MTRF1: variants seen among roughly 807,000 people sequenced by gnomAD.
MTRF1 encodes the protein peptide chain release factor 1, mitochondrial.
MTRF1 carries 51 observed loss-of-function variants against 62.9 expected under a neutral mutation model. The observed-to-expected ratio is 0.81, with a 90% CI of 0.65 to 1.02. The LOEUF (loss-of-function observed/expected upper bound fraction) is 1.02, where lower values mean the gene tolerates loss of function less well. Ranked by LOEUF, MTRF1 falls within the 50% of genes least tolerant of loss-of-function variation. The pLI is 0.00. For synonymous variants in MTRF1, 158 were observed against 181.9 expected, an observed-to-expected ratio of 0.87 and a Z score of 1.06; for missense variants, 446 against 530.0, an observed-to-expected ratio of 0.84 and a Z score of 1.56.
At chr13:41,291,405 C>T in the MTRF1 span, among the ~76,000 whole-genome samples, 1 of 151,980 alleles carries the variant, frequency 6.6e-6, no homozygotes, top group East Asian at 1.9e-4. Flanking sequence ...CTTGAACTCC[C>T]AGGCTCAAGC....
At position 41,254,573 on chromosome 13, in the gene MTRF1, C is replaced by A; in HGVS notation, c.463G>T (p.Glu155Ter). Residue 155 changes from glutamate (E) to a stop codon, truncating the protein, a stop_gained, in exon 3 of 10, where the codon GAA becomes TAA. Transcript: ENST00000379480. LOFTEE classifies it high-confidence loss of function. ...EKQLQELALE[E>*]RQTIDQKINM... is the part of the protein sequence containing the mutation. ...ATTTTTTGATCAATGGTTTGCCTTT[C>A]TTCCAGTGCAAGTTCTTGTAACTGC... 6.2e-7 allele frequency: 1 copy of A among 1,613,616 alleles called. No individual in the cohort carries two copies. The highest frequency in any genetic ancestry group is 8.5e-7 in the Non-Finnish European group (1 of 1,179,826).
the MTRF1 span, among the ~76,000 whole-genome samples, chr13:41,280,963 G>C: frequency 6.6e-6 from 1 of 152,168 alleles, no homozygotes; most frequent in African/African-American, 2.4e-5. Context: ...CGGAGAAAAA[G>C]TTGAGGTGAC....
the MTRF1 span, among the ~76,000 whole-genome samples, chr13:41,305,488 C>T: frequency 2.0e-5 from 3 of 152,150 alleles, no homozygotes; most frequent in African/African-American, 7.2e-5. Flanking sequence ...TGCCTGAGAC[C>T]GTGAACTCTG....
At chr13:41,240,685 T>C (rs2037372408) in intron 5 of MTRF1, among the ~76,000 whole-genome samples, 1 of 152,198 alleles carries the variant, frequency 6.6e-6, no homozygotes, top group South Asian at 2.1e-4. Flanking sequence ...TTATAGGAGC[T>C]AGTGATGCAA....
chr13:41,221,437 C>T (rs372709518), intron 9 of MTRF1, among the ~76,000 whole-genome samples: 20 of 152,248 alleles, frequency 1.3e-4, no homozygotes, highest in Middle Eastern at 3.4e-3. Context: ...GGATTACAGG[C>T]GTGAGCCACC....
intron 6 of MTRF1, chr13:41,235,834 GACACAGACACACACAC>G (rs2036408213): frequency 8.7e-6 from 1 of 114,622 alleles, no homozygotes; most frequent in Non-Finnish European, 1.8e-5. Flanking sequence ...CTTATACACA[GACACAGACACACACAC>G]ACACAGAAAC....
chr13:41,240,552 G>T, intron 5 of MTRF1, 119 bp from the exon 6 acceptor site: 2 of 849,964 alleles, frequency 2.4e-6, no homozygotes, highest in Non-Finnish European at 3.3e-6. Context: ...AGAACATAAA[G>T]CATGGGAGAA....
In MTRF1 at chr13:41,226,424, A is replaced by C; in HGVS notation, c.1125+8T>G. Reference sequence around the variant, plus strand: ...AGTCACTAAATTATTATACCAAGTAAATCTTACCTGCAGTTTTCTAGCACT... The same window carrying C: ...AGTCACTAAATTATTATACCAAGTACATCTTACCTGCAGTTTTCTAGCACT... On this transcript the variant is annotated splice_region_variant and intron_variant, in intron 8 of 9. Transcript: ENST00000379480. 6.2e-7 allele frequency: 1 copy of C among 1,605,114 alleles called. No individual in the cohort carries two copies. Among genetic ancestry groups the C allele is most frequent in the Non-Finnish European group, 8.5e-7 (1 of 1,178,102 alleles).
At chr13:41,245,408 T>C (rs909139058) in intron 5 of MTRF1, among the ~76,000 whole-genome samples, 5 of 152,092 alleles carry the variant, frequency 3.3e-5, no homozygotes, top group African/African-American at 1.2e-4. Flanking sequence ...GCTCAGCTAA[T>C]TTTTAAAATT....
the MTRF1 span, among the ~76,000 whole-genome samples, chr13:41,309,895 C>A: frequency 1.3e-5 from 2 of 152,086 alleles, no homozygotes; most frequent in African/African-American, 4.8e-5. Context: ...ACTTGGGAGG[C>A]TGAGGCAGGA....
chr13:41,229,319 T>C (rs2035079932), intron 7 of MTRF1: 1 of 152,238 alleles, frequency 6.6e-6, no homozygotes, highest in East Asian at 1.9e-4. Flanking sequence ...TTATTTATCA[T>C]TTATTTGTGT....
the MTRF1 span, among the ~76,000 whole-genome samples, chr13:41,289,232 A>T: frequency 4.4e-5 from 6 of 137,494 alleles, no homozygotes; most frequent in East Asian, 2.1e-4. Context: ...GTGGATTTAA[A>T]TTTTTTTTTT....
the MTRF1 span, among the ~76,000 whole-genome samples, chr13:41,294,655 T>C: frequency 2.7e-4 from 41 of 152,246 alleles, no homozygotes; most frequent in African/African-American, 7.7e-4. Context: ...AAACTTTATA[T>C]GGTAAATTTG....
chr13:41,292,899 G>A, the MTRF1 span, among the ~76,000 whole-genome samples: 31 of 152,210 alleles, frequency 2.0e-4, no homozygotes, highest in African/African-American at 5.1e-4. Context: ...TTATGCCACA[G>A]CACTCCAGTC....
the MTRF1 span, among the ~76,000 whole-genome samples, chr13:41,273,812 G>A: frequency 1.3e-5 from 2 of 152,142 alleles, no homozygotes; most frequent in African/African-American, 2.4e-5. Context: ...ACTCCAGCCT[G>A]GGCAATAAGA....
the MTRF1 span, among the ~76,000 whole-genome samples, chr13:41,284,041 T>A: frequency 6.6e-6 from 1 of 152,128 alleles, no homozygotes; most frequent in Non-Finnish European, 1.5e-5. Context: ...CACATTACAT[T>A]GTGTTCAAAC....
At chr13:41,282,489 CTG>C in the MTRF1 span, among the ~76,000 whole-genome samples, 5 of 152,208 alleles carry the variant, frequency 3.3e-5, no homozygotes, top group African/African-American at 7.2e-5. Context: ...CTGTCTGAAA[CTG>C]TGCACATTTC....
the MTRF1 span, among the ~76,000 whole-genome samples, chr13:41,292,929 C>A: frequency 9.2e-5 from 14 of 152,114 alleles, no homozygotes; most frequent in African/African-American, 3.4e-4. Context: ...GAGTGAGACA[C>A]TATCACCAAA....
the MTRF1 span, chr13:41,311,588 T>TA: frequency 1.2e-6 from 2 of 1,605,254 alleles, no homozygotes; most frequent in African/African-American, 2.7e-5. Context: ...TCTTGGTGAG[T>TA]GGCCGTAGGC....
Sources: gnomAD v4.1 joint callset for allele counts (sites outside exome capture counted in the v4.1 genomes callset) on GRCh38, gnomAD v4.1.1 for gene constraint, MANE v1.5 for transcripts, NCBI Gene and HGNC (gene_info 2026-07-23, HGNC 2026-07-21) for gene names.